The following ORC2 variants were observed in gnomAD, a reference collection of about 807,000 sequenced individuals.
ORC2 encodes origin recognition complex subunit 2, also known as origin recognition complex protein 2 homolog.
Under a neutral mutation model 77.7 loss-of-function variants are expected in ORC2, and 37 were observed. That is an observed-to-expected ratio of 0.48 (90% CI 0.37 to 0.63). ORC2 has a LOEUF of 0.63. Among genes scored for constraint, ORC2 ranks in the 20% least tolerant of loss-of-function variants. The probability of loss-of-function intolerance (pLI) is 0.00; values close to 1 mark genes in which losing one functional copy is unlikely to be tolerated. For synonymous variants in ORC2, 201 were observed against 229.5 expected (o/e 0.88, Z 1.12); for missense variants, 557 against 661.9 (o/e 0.84, Z 1.74).
chr2:200,927,093 TC>T (rs2040851649), intron 11 of ORC2, among the ~76,000 whole-genome samples, 193 bp from the exon 12 acceptor site: 1 of 151,848 alleles, frequency 6.6e-6, no homozygotes, highest in South Asian at 2.1e-4. Context: ...TATATATGTA[TC>T]TTTTTTTTTT....
intron 5 of ORC2, among the ~76,000 whole-genome samples, chr2:200,945,273 G>T (rs1279301795): frequency 6.6e-6 from 1 of 152,096 alleles, no homozygotes; most frequent in Non-Finnish European, 1.5e-5. Flanking sequence ...TAGAAAATTA[G>T]ACCTGGACAT....
In ORC2 at chr2:200,910,022, C is replaced by G. The variant is rs1343752736; in HGVS notation, c.*1279G>C. 1 of 152,112 alleles carries G rather than the reference C, an allele frequency of 6.6e-6. No individual in the cohort carries two copies. Among genetic ancestry groups the G allele is most frequent in the Non-Finnish European group, 1.5e-5 (1 of 68,032 alleles). 9.4% of individuals were successfully genotyped at this position (152,112 alleles called of 1,614,324 possible). On this transcript the variant is annotated 3_prime_UTR_variant, in exon 18 of 18. Transcript: ENST00000234296. ...CAGAGATCCTCCTGCCTTGGCCTCCCAAAGTGTTGTGATTACAGGCATAAG... is the reference window on the plus strand; with the variant it reads ...CAGAGATCCTCCTGCCTTGGCCTCCGAAAGTGTTGTGATTACAGGCATAAG...
At chr2:200,916,496 T>C (rs1250286645) in intron 15 of ORC2, among the ~76,000 whole-genome samples, 1 of 151,254 alleles carries the variant, frequency 6.6e-6, no homozygotes, top group African/African-American at 2.4e-5. Context: ...AAAAAAAAAC[T>C]TGCATCAGCG....
intron 13 of ORC2, among the ~76,000 whole-genome samples, chr2:200,924,372 T>C (rs531579696): frequency 6.6e-5 from 10 of 152,046 alleles, no homozygotes; most frequent in Middle Eastern, 3.4e-3. Flanking sequence ...GGTCCATTTC[T>C]ATAAAGAACT....
chr2:200,938,551 T>C (rs970282423), intron 7 of ORC2, among the ~76,000 whole-genome samples: 26 of 152,200 alleles, frequency 1.7e-4, no homozygotes, highest in African/African-American at 5.8e-4. Context: ...TGTTTTTTTA[T>C]AGAATACTTT....
intron 15 of ORC2, among the ~76,000 whole-genome samples, chr2:200,919,552 T>A (rs2040720689): frequency 6.6e-6 from 1 of 152,104 alleles, no homozygotes; most frequent in Non-Finnish European, 1.5e-5. Flanking sequence ...AGAGATGGGG[T>A]TTCCCCATGT....
At chr2:200,955,569 A>T (rs917130449) in intron 4 of ORC2, among the ~76,000 whole-genome samples, 10 of 152,226 alleles carry the variant, frequency 6.6e-5, no homozygotes, top group Non-Finnish European at 1.5e-4. Context: ...GAACTGAAAA[A>T]CCAAATCACT....
In ORC2 at chr2:200,941,293, C is replaced by A. The variant is rs763706885; in HGVS notation, c.422-14G>T. 4.4e-6 allele frequency: 7 copies of A among 1,605,912 alleles called. No homozygotes were observed. In the South Asian group the frequency reaches 6.7e-5, roughly 15 times the overall value. On this transcript the variant is annotated splice_polypyrimidine_tract_variant and intron_variant, in intron 6 of 17. Coordinates refer to ENST00000234296, the MANE Select transcript of ORC2 (RefSeq NM_006190.5). The stretch of plus-strand genomic sequence containing the variant: ...AAGCAGAATGGCCTAAAGAATGAAA[C>A]AAAAAGCCATGACTTACTACGGACA...
At position 200,909,663 on chromosome 2, in the gene ORC2, T is replaced by C. The variant is rs2040517714; in HGVS notation, c.*1638A>G. 7.5e-6 allele frequency: 1 copy of C among 132,658 alleles called. No homozygotes were observed. The highest frequency in any genetic ancestry group is 1.5e-5 in the Non-Finnish European group (1 of 65,750). 8.2% of individuals were successfully genotyped at this position (132,658 alleles called of 1,614,324 possible). A position where few individuals can be genotyped will look rare whatever the true frequency, so the allele number is the denominator to read the frequency against. On this transcript the variant is annotated 3_prime_UTR_variant, in exon 18 of 18. Coordinates refer to ENST00000234296, the MANE Select transcript of ORC2 (RefSeq NM_006190.5). ...CTGCTGTAAGCTTAGATCACGCCACTGCACTCTAGACTGGATGACAGTGCA... is the reference window on the plus strand; with the variant it reads ...CTGCTGTAAGCTTAGATCACGCCACCGCACTCTAGACTGGATGACAGTGCA...
At chr2:200,958,187 C>A (rs1221173707) in intron 2 of ORC2, 54 bp from the exon 3 acceptor site, 9 of 964,256 alleles carry the variant, frequency 9.3e-6, no homozygotes, top group Non-Finnish European at 5.0e-6. Flanking sequence ...TATCAACCAC[C>A]AAATTAAACA....
At chr2:200,948,968 G>A (rs2041299770) in intron 5 of ORC2, among the ~76,000 whole-genome samples, 1 of 151,936 alleles carries the variant, frequency 6.6e-6, no homozygotes, top group Non-Finnish European at 1.5e-5. Context: ...GCCGGGCATG[G>A]TGACTCATGC....
chr2:200,944,592 G>C (rs1230430925), intron 5 of ORC2, among the ~76,000 whole-genome samples: 3 of 152,178 alleles, frequency 2.0e-5, no homozygotes, highest in Non-Finnish European at 4.4e-5. Context: ...TCGCCCAGGA[G>C]TACACTGGCG....
At chr2:200,919,098 G>A (rs2040711842) in intron 15 of ORC2, among the ~76,000 whole-genome samples, 1 of 152,130 alleles carries the variant, frequency 6.6e-6, no homozygotes, top group African/African-American at 2.4e-5. Context: ...GCATAGTGTT[G>A]GGATTACAGG....
At chr2:200,915,941 C>T (rs2040641741) in intron 15 of ORC2, among the ~76,000 whole-genome samples, 1 of 152,088 alleles carries the variant, frequency 6.6e-6, no homozygotes, top group Non-Finnish European at 1.5e-5. Flanking sequence ...GTGATCCGCC[C>T]ACTTCAGCCT....
chr2:200,932,206 G>C (rs1273306629), intron 10 of ORC2, among the ~76,000 whole-genome samples: 2 of 151,796 alleles, frequency 1.3e-5, no homozygotes, highest in Admixed American at 6.6e-5. Context: ...TCTGAGTTCA[G>C]AGCCCTGAAA....
intron 11 of ORC2, among the ~76,000 whole-genome samples, chr2:200,928,952 G>C (rs1361202613): frequency 6.6e-6 from 1 of 151,998 alleles, no homozygotes; most frequent in Non-Finnish European, 1.5e-5. Context: ...TCATTCCAAG[G>C]AGAATGAGCA....
At chr2:200,915,757 G>A (rs1275053343) in intron 15 of ORC2, among the ~76,000 whole-genome samples, 7 of 151,846 alleles carry the variant, frequency 4.6e-5, no homozygotes, top group East Asian at 1.9e-4. Flanking sequence ...GCAGTGGTGC[G>A]ATCTTGGCTC....
Position 200,962,117 on chromosome 2 carries a change from A to C in ORC2, c.-60+1373T>G, listed in dbSNP as rs1014549610. 2.6e-5 allele frequency among the ~76,000 whole-genome samples: 4 copies of C among 152,362 alleles called. No homozygotes were observed. In the South Asian group the frequency reaches 8.3e-4, roughly 32 times the overall value. ...TTAAATAGTACAAAATCACCAAATT[A>C]AAGAAAATGTCTACAAAGACCTCAT... On this transcript the variant is annotated intron_variant, in intron 1 of 17. Transcript: ENST00000234296.
intron 10 of ORC2, among the ~76,000 whole-genome samples, chr2:200,932,278 T>A (rs1395030301): frequency 6.6e-6 from 1 of 151,990 alleles, no homozygotes; most frequent in Non-Finnish European, 1.5e-5. Flanking sequence ...CTGAGCATAT[T>A]CACACTTGAG....
Sources: gnomAD v4.1 joint callset for allele counts (sites outside exome capture counted in the v4.1 genomes callset) on GRCh38, gnomAD v4.1.1 for gene constraint, MANE v1.5 for transcripts, NCBI Gene and HGNC (gene_info 2026-07-23, HGNC 2026-07-21) for gene names.